The following PEPD variants were observed in gnomAD, a reference collection of about 807,000 sequenced individuals.
PEPD encodes xaa-Pro dipeptidase.
In PEPD, 53 loss-of-function variants were observed where a neutral mutation model predicts 60.7. That is an observed-to-expected ratio of 0.87 (90% CI 0.70 to 1.10). The LOEUF (loss-of-function observed/expected upper bound fraction) is 1.10, where lower values mean the gene tolerates loss of function less well. PEPD is among the 50% of genes least tolerant of loss of function. PEPD has a pLI of 0.00. For missense variants in PEPD, 711 were observed against 711.9 expected (o/e 1.00, Z 0.01); for synonymous variants, 267 against 284.1 (o/e 0.94, Z 0.60).
At chr19:33,508,419 G>A (rs1447937011) in intron 3 of PEPD, among the ~76,000 whole-genome samples, 1 of 151,078 alleles carries the variant, frequency 6.6e-6, no homozygotes, top group African/African-American at 2.4e-5. Context: ...TGCTGTCCCA[G>A]TTACAACGGC....
At position 33,401,718 on chromosome 19, in the gene PEPD, C is replaced by T; in HGVS notation, c.967+3G>A. The T allele has an allele frequency of 6.2e-7, 1 of 1,605,828 alleles. No homozygotes were observed. The highest frequency in any genetic ancestry group is 1.1e-5 in the South Asian group (1 of 89,728). On this transcript the variant is annotated splice_donor_region_variant and intron_variant, in intron 12 of 14. Transcript: ENST00000244137. ...CGCCTCCCCCCACCGACCCGCTGCT[C>T]ACCTGGCTTCATGGCACCCATGACG...
intron 11 of PEPD, among the ~76,000 whole-genome samples, chr19:33,407,816 G>A (rs916350959): frequency 3.3e-5 from 5 of 152,222 alleles, no homozygotes; most frequent in African/African-American, 1.2e-4. Context: ...ACATGGGGCC[G>A]CTTGGCTCTG....
chr19:33,401,394 C>T (rs543740357), intron 12 of PEPD, among the ~76,000 whole-genome samples: 1 of 152,364 alleles, frequency 6.6e-6, no homozygotes, highest in African/African-American at 2.4e-5. Context: ...TGAGCCCTCC[C>T]TGGAGTAGAC....
chr19:33,387,277 A>C lies in PEPD; in HGVS notation c.*67T>G. 6.3e-7 allele frequency: 1 copy of C among 1,590,786 alleles called. No individual in the cohort carries two copies. Among genetic ancestry groups the C allele is most frequent in the South Asian group, 1.1e-5 (1 of 90,414 alleles). ...TCTCGCTACTGGAGTGCTGACCAGC[A>C]GGCTGCCCATCACGAAAAGAGGTTG... is the stretch of plus-strand genomic sequence containing the variant. On this transcript the variant is annotated 3_prime_UTR_variant, in exon 15 of 15. Transcript: ENST00000244137.
intron 11 of PEPD, among the ~76,000 whole-genome samples, chr19:33,410,976 C>A (rs1316009406): frequency 6.6e-6 from 1 of 152,110 alleles, no homozygotes; most frequent in Non-Finnish European, 1.5e-5. Context: ...CACCTCCTCC[C>A]TGCCCCGGGG....
chr19:33,439,609 GCT>G (rs1488875026), intron 9 of PEPD, among the ~76,000 whole-genome samples: 1 of 152,200 alleles, frequency 6.6e-6, no homozygotes, highest in East Asian at 1.9e-4. Flanking sequence ...CTCCTTGGGA[GCT>G]CTCAGCAAAG....
At chr19:33,466,403 T>C (rs1970017018) in intron 7 of PEPD, among the ~76,000 whole-genome samples, 1 of 152,200 alleles carries the variant, frequency 6.6e-6, no homozygotes, top group Non-Finnish European at 1.5e-5. Context: ...TAAGTATAAT[T>C]TGTGTCTGAA....
intron 9 of PEPD, among the ~76,000 whole-genome samples, chr19:33,457,050 C>A (rs1025139741): frequency 1.3e-5 from 2 of 149,754 alleles, no homozygotes; most frequent in East Asian, 3.9e-4. Flanking sequence ...CCTCGTGTAG[C>A]CCCACACGGG....
At chr19:33,507,179 G>A (rs1208478398) in intron 3 of PEPD, among the ~76,000 whole-genome samples, 1 of 152,104 alleles carries the variant, frequency 6.6e-6, no homozygotes, top group Non-Finnish European at 1.5e-5. Context: ...AGCCGGGGAC[G>A]GAATGCGTTA....
chr19:33,521,676 G>C, intron 1 of PEPD, 68 bp downstream of exon 1: 1 of 1,503,174 alleles, frequency 6.7e-7, no homozygotes, highest in Non-Finnish European at 9.0e-7. Context: ...TCTCACCCGC[G>C]GTCCGGCCGG....
intron 4 of PEPD, among the ~76,000 whole-genome samples, chr19:33,495,412 C>T (rs144916238): frequency 0.017 from 2,560 of 147,814 alleles, 56 homozygotes; most frequent in Admixed American, 0.064. Context: ...GCAGAAGAAT[C>T]GCTTGAACCC....
At chr19:33,495,988 A>G (rs1416202848) in intron 4 of PEPD, among the ~76,000 whole-genome samples, 1 of 125,434 alleles carries the variant, frequency 8.0e-6, no homozygotes, top group East Asian at 2.6e-4. Flanking sequence ...TATCAAAAAC[A>G]AAAAACAAAA....
chr19:33,453,559 T>C (rs1969739992), intron 9 of PEPD, among the ~76,000 whole-genome samples: 1 of 152,240 alleles, frequency 6.6e-6, no homozygotes, highest in Admixed American at 6.5e-5. Flanking sequence ...ATAAAGTCTT[T>C]TTAAATTATG....
intron 9 of PEPD, among the ~76,000 whole-genome samples, chr19:33,418,428 C>T (rs939021484): frequency 2.0e-5 from 3 of 152,176 alleles, no homozygotes; most frequent in African/African-American, 7.2e-5. Context: ...GAGCCAAAAC[C>T]GGATGTTTCT....
intron 12 of PEPD, among the ~76,000 whole-genome samples, chr19:33,399,211 A>T (rs1600083374): frequency 2.0e-5 from 3 of 151,826 alleles, no homozygotes; most frequent in Admixed American, 1.3e-4. Context: ...CTGGTCTTCA[A>T]CTCCTGACCT....
At chr19:33,402,765 C>A (rs1968529112) in intron 11 of PEPD, among the ~76,000 whole-genome samples, 1 of 152,150 alleles carries the variant, frequency 6.6e-6, no homozygotes, top group South Asian at 2.1e-4. Context: ...GGCAGAGGTG[C>A]CAGCTGTCCA....
At position 33,391,585 on chromosome 19, in the gene PEPD, C is replaced by A. The variant is rs1006477309; in HGVS notation, c.968-106G>T. 5 of 1,081,584 alleles carry A rather than the reference C, an allele frequency of 4.6e-6. No homozygotes were observed. In the Admixed American group the frequency reaches 6.0e-5, roughly 13 times the overall value. The allele number at this position is 1,081,584 out of a possible 1,614,324, so 67.0% of individuals were successfully genotyped here. Reference sequence around the variant, plus strand: ...CCTCACACTGGCTGTGGTGGGAGGGCCTGAGGTGGGGGGTGAGGGGGCAAG... The same window carrying A: ...CCTCACACTGGCTGTGGTGGGAGGGACTGAGGTGGGGGGTGAGGGGGCAAG... On this transcript the variant is annotated intron_variant, in intron 12 of 14. Transcript: ENST00000244137.
At chr19:33,493,371 G>A (rs568321410) in intron 4 of PEPD, 34 bp from the exon 5 acceptor site, 2 of 1,456,670 alleles carry the variant, frequency 1.4e-6, no homozygotes, top group Admixed American at 1.7e-5. Flanking sequence ...CACTTTAGAG[G>A]CACCACTAAG....
chr19:33,515,881 TC>T (rs1971014794), intron 1 of PEPD, among the ~76,000 whole-genome samples: 1 of 152,060 alleles, frequency 6.6e-6, no homozygotes, highest in Admixed American at 6.5e-5. Context: ...GGGCTGGCCT[TC>T]CCCTTGTTCA....
Sources: allele counts gnomAD v4.1 joint callset (sites outside exome capture counted in the v4.1 genomes callset), GRCh38; gene constraint gnomAD v4.1.1; transcripts MANE v1.5; gene names NCBI Gene and HGNC (gene_info 2026-07-23, HGNC 2026-07-21).